Variants in SGSM3 observed in about 807,000 individuals in gnomAD.
SGSM3 encodes the protein small G protein signaling modulator 3, also known as RUN and SH3 containing 3.
SGSM3 carries 96 observed loss-of-function variants against 100.5 expected under a neutral mutation model. The ratio of observed to expected loss-of-function variants is 0.96; its 90% CI spans 0.81 to 1.13. The LOEUF is 1.13. SGSM3 is among the 50% of genes most tolerant of loss of function. The probability of loss-of-function intolerance (pLI) is 0.00; values close to 1 mark genes in which losing one functional copy is unlikely to be tolerated. For synonymous variants in SGSM3, 483 were observed against 422.8 expected (o/e 1.14, Z -1.75); for missense variants, 1,001 against 1,015.8 (o/e 0.99, Z 0.20).
chr22:40,408,483 C>A, intron 16 of SGSM3, 54 bp downstream of exon 16: 1 of 1,598,726 alleles, frequency 6.3e-7, no homozygotes, highest in Admixed American at 1.7e-5. Flanking sequence ...CTGCTGTGCC[C>A]CCTAGTACCC....
Position 40,407,594 on chromosome 22 carries a change from G to T in SGSM3, c.1524+26G>T, listed in dbSNP as rs1443572172. On this transcript the variant is annotated intron_variant, in intron 13 of 21. Coordinates refer to ENST00000248929, the MANE Select transcript of SGSM3 (RefSeq NM_015705.6). The surrounding 1 kb of genome is among the most constrained non-coding windows in gnomAD (Gnocchi z 4.7). ...GTGCGTGGGGGCGCTGGACTACCAG[G>T]TCCTCAGGCTGTGGCGGGTTCCCCA... is the stretch of plus-strand genomic sequence containing the variant. 1 of 1,598,340 alleles carries T rather than the reference G, an allele frequency of 6.3e-7. No individual in the cohort carries two copies. The highest frequency in any genetic ancestry group is 8.5e-7 in the Non-Finnish European group (1 of 1,176,446).
At position 40,404,147 on chromosome 22, in the gene SGSM3, A is replaced by T. The variant is rs922015627; in HGVS notation, c.158-100A>T. 3 of 986,554 alleles carry T rather than the reference A, an allele frequency of 3.0e-6. No individual in the cohort carries two copies. In the Admixed American group the frequency reaches 7.7e-5, roughly 25 times the overall value. 61.1% of individuals were successfully genotyped at this position (986,554 alleles called of 1,614,324 possible). A position where few individuals can be genotyped will look rare whatever the true frequency, so the allele number is the denominator to read the frequency against. On this transcript the variant is annotated intron_variant, in intron 4 of 21. Coordinates refer to ENST00000248929, the MANE Select transcript of SGSM3 (RefSeq NM_015705.6). ...ATATGGTGGGAGAGAGCTGGCCTAG[A>T]GCCATGAAGCTCAGACCCTCCTGAA...
intron 1 of SGSM3, among the ~76,000 whole-genome samples, chr22:40,374,793 T>C (rs1160410976): frequency 2.0e-5 from 3 of 152,180 alleles, no homozygotes; most frequent in Non-Finnish European, 1.5e-5. Context: ...GGCAGGAGGA[T>C]TGCTTGGGCT....
chr22:40,386,407 G>GT (rs1206357046), intron 1 of SGSM3, among the ~76,000 whole-genome samples: 3 of 152,034 alleles, frequency 2.0e-5, no homozygotes, highest in Admixed American at 6.6e-5. Context: ...ATTTCTGTTG[G>GT]TAATGATGCT....
chr22:40,376,075 T>C (rs1388625207), intron 1 of SGSM3, among the ~76,000 whole-genome samples: 1 of 150,346 alleles, frequency 6.7e-6, no homozygotes, highest in Non-Finnish European at 1.5e-5. Flanking sequence ...AAACAAGATA[T>C]GAAAGAACAG....
intron 4 of SGSM3, among the ~76,000 whole-genome samples, chr22:40,403,933 G>A (rs749775048): frequency 1.6e-4 from 24 of 152,228 alleles, no homozygotes; most frequent in Admixed American, 1.5e-3. Context: ...GGGTCTGGGC[G>A]AGGGAGGAGC....
intron 1 of SGSM3, among the ~76,000 whole-genome samples, chr22:40,376,800 A>G (rs893555662): frequency 2.6e-5 from 4 of 152,186 alleles, no homozygotes; most frequent in Non-Finnish European, 5.9e-5. Context: ...TTAATTTAGC[A>G]TATAATCAAG....
chr22:40,395,261 T>A (rs1052918774), intron 1 of SGSM3, among the ~76,000 whole-genome samples: 3 of 152,180 alleles, frequency 2.0e-5, no homozygotes, highest in Middle Eastern at 3.2e-3. Context: ...GATTTATAGA[T>A]GTAATCACCT....
chr22:40,400,253 G>A (rs2050569401), intron 1 of SGSM3, among the ~76,000 whole-genome samples: 1 of 152,216 alleles, frequency 6.6e-6, no homozygotes, highest in South Asian at 2.1e-4. Flanking sequence ...AAACCGGAAT[G>A]TAACTTGTCT....
At chr22:40,372,358 C>T (rs547789137) in intron 1 of SGSM3, among the ~76,000 whole-genome samples, 1 of 151,624 alleles carries the variant, frequency 6.6e-6, no homozygotes, top group African/African-American at 2.4e-5. Context: ...ATCTCCTGAC[C>T]TCGTGATCTG....
rs1248935668 is a variant in SGSM3 at position 40,408,315 on chromosome 22, C to T, written c.1668C>T (p.Val556=). Residue 556 remains valine (V), a synonymous_variant, in exon 16 of 22, where the codon GTC becomes GTT. Coordinates refer to ENST00000248929, the MANE Select transcript of SGSM3 (RefSeq NM_015705.6). Reference sequence around the variant, plus strand: ...GGGATGACTCGGTGACGGAGGGGGTCACAGACCTCGTGCGAGGGACCCTCT... The same window carrying T: ...GGGATGACTCGGTGACGGAGGGGGTTACAGACCTCGTGCGAGGGACCCTCT... The part of the protein sequence containing the change: ...IAGDDSVTEG[V]TDLVRGTLCP... The T allele has an allele frequency of 6.2e-7, 1 of 1,613,436 alleles. No homozygotes were observed. Among genetic ancestry groups the T allele is most frequent in the Non-Finnish European group, 8.5e-7 (1 of 1,179,984 alleles).
At chr22:40,404,201 G>A (rs370700260) in intron 4 of SGSM3, 46 bp from the exon 5 acceptor site, 26 of 1,464,980 alleles carry the variant, frequency 1.8e-5, no homozygotes, top group African/African-American at 2.8e-5. Flanking sequence ...TGGAGAACAC[G>A]TAGTAGAGAA....
At chr22:40,396,784 G>A (rs1185379511) in intron 1 of SGSM3, among the ~76,000 whole-genome samples, 2 of 152,104 alleles carry the variant, frequency 1.3e-5, no homozygotes, top group African/African-American at 4.8e-5. Flanking sequence ...TGATCTATAT[G>A]AAGAGACCAC....
chr22:40,409,251 G>A lies in SGSM3; in HGVS notation c.1990G>A (p.Glu664Lys). 6.2e-7 allele frequency: 1 copy of A among 1,603,396 alleles called. No individual in the cohort carries two copies. The highest frequency in any genetic ancestry group is 8.5e-7 in the Non-Finnish European group (1 of 1,176,926). ...CCCCACTCCTGGCCATGTCCCCAGTGAGCAGGTGCTGCACCTGTGGCTGGA... is the reference window on the plus strand; with the variant it reads ...CCCCACTCCTGGCCATGTCCCCAGTAAGCAGGTGCTGCACCTGTGGCTGGA... ...LRSLICVGLN[E>K]QVLHLWLEVL... The change falls in exon 20 of 22, where the codon GAG (glutamate) becomes AAG (lysine). Residue 664 changes from glutamate to lysine, a missense_variant and splice_region_variant. Physicochemically the swap from Glu to Lys is moderately conservative, Grantham distance 56. Coordinates refer to ENST00000248929, the MANE Select transcript of SGSM3 (RefSeq NM_015705.6).
chr22:40,409,789 T>C lies in SGSM3; in HGVS notation c.*30T>C. On this transcript the variant is annotated 3_prime_UTR_variant, in exon 22 of 22. Transcript: ENST00000248929. ...CTCCTCCCCAGCCCAACCTCGGGCC[T>C]GCGTCTGAGGTGGCCCAGGACCCCA... 1.9e-6 allele frequency: 3 copies of C among 1,595,874 alleles called. No homozygotes were observed. Among genetic ancestry groups the C allele is most frequent in the South Asian group, 2.2e-5 (2 of 90,374 alleles).
chr22:40,375,076 T>A (rs1895022199), intron 1 of SGSM3, among the ~76,000 whole-genome samples: 2 of 152,230 alleles, frequency 1.3e-5, no homozygotes, highest in South Asian at 2.1e-4. Flanking sequence ...GAGAGATACA[T>A]TCACCTCTTT....
chr22:40,380,411 G>A (rs891469101), intron 1 of SGSM3, among the ~76,000 whole-genome samples: 4 of 145,740 alleles, frequency 2.7e-5, no homozygotes, highest in African/African-American at 1.0e-4. Flanking sequence ...CTGTCACCCA[G>A]GCTGGAGTGC....
chr22:40,402,321 G>T (rs1203846947), intron 4 of SGSM3, 116 bp downstream of exon 4: 6 of 800,018 alleles, frequency 7.5e-6, no homozygotes, highest in South Asian at 7.1e-5. Context: ...CAGGGTTCCA[G>T]ATTTAAGGAC....
chr22:40,380,997 T>C lies in SGSM3; in HGVS notation c.-112+10309T>C, dbSNP rs531879937. Reference sequence around the variant, plus strand: ...GCTTCTATTTTTGTAAATTGTATTTTCCCCCATTGATTCACATAATATAAG... The same window carrying C: ...GCTTCTATTTTTGTAAATTGTATTTCCCCCCATTGATTCACATAATATAAG... On this transcript the variant is annotated intron_variant, in intron 1 of 21. Coordinates refer to ENST00000248929, the MANE Select transcript of SGSM3 (RefSeq NM_015705.6). Among the ~76,000 whole-genome samples the C allele has an allele frequency of 7.9e-5, 12 of 152,226 alleles. No homozygotes were observed. In the South Asian group the frequency reaches 2.5e-3, roughly 32 times the overall value.
Sources: allele counts gnomAD v4.1 joint callset (sites outside exome capture counted in the v4.1 genomes callset), GRCh38; gene constraint gnomAD v4.1.1; non-coding constraint Gnocchi (gnomAD v3.1); transcripts MANE v1.5; gene names NCBI Gene and HGNC (gene_info 2026-07-23, HGNC 2026-07-21).